DNM1: variants seen among roughly 807,000 people sequenced by gnomAD.
DNM1 encodes the protein dynamin-1.
Under a neutral mutation model 104.6 loss-of-function variants are expected in DNM1, and 29 were observed. The ratio of observed to expected loss-of-function variants is 0.28; its 90% confidence interval spans 0.21 to 0.38. DNM1 has a LOEUF of 0.38. DNM1 is among the 10% of genes least tolerant of loss of function. DNM1 has a pLI of 1.00. For synonymous variants in DNM1, 445 were observed against 475.8 expected, an observed-to-expected ratio of 0.94 and a Z score of 0.84; for missense variants, 640 against 1,189.4, an observed-to-expected ratio of 0.54 and a Z score of 6.79.
intron 10 of DNM1, among the ~76,000 whole-genome samples, chr9:128,233,156 C>T (rs1835802123): frequency 1.3e-5 from 2 of 152,246 alleles, no homozygotes; most frequent in Admixed American, 6.5e-5. Context: ...GGAGCAACTT[C>T]CCCTTCAGCC....
In DNM1 at chr9:128,245,476, T is replaced by C. The variant is rs73672477; in HGVS notation, c.1672-918T>C. On this transcript the variant is annotated intron_variant, in intron 15 of 21. Transcript: ENST00000372923. This position sits in a 1 kb window ranked among gnomAD's most constrained non-coding sequence, Gnocchi z 5.2. ...GCCCCATCCTGGGGTACCTCCTCCC[T>C]AGATCCCTGAACCCCTCCCCTGGGA... Among the ~76,000 whole-genome samples, 1,588 of 151,104 alleles carry C rather than the reference T, an allele frequency of 0.011. 29 individuals are homozygous for C. The highest frequency in any genetic ancestry group is 0.036 in the African/African-American group (1,479 of 41,052).
chr9:128,229,042 C>G (rs1056392963), intron 10 of DNM1, among the ~76,000 whole-genome samples: 1 of 151,568 alleles, frequency 6.6e-6, no homozygotes, highest in Non-Finnish European at 1.5e-5. Flanking sequence ...AAATATTCAC[C>G]AATAGGAAAA....
Position 128,247,279 on chromosome 9 carries a change from C to A in DNM1, c.1782-96C>A. The A allele has an allele frequency of 4.0e-6, 3 of 748,312 alleles. No individual in the cohort carries two copies. Among genetic ancestry groups the A allele is most frequent in the Admixed American group, 2.2e-5 (1 of 45,958 alleles). The allele number at this position is 748,312 out of a possible 1,614,324, so 46.4% of individuals were successfully genotyped here. On this transcript the variant is annotated intron_variant, in intron 16 of 21. Transcript: ENST00000372923. This position sits in a 1 kb window ranked among gnomAD's most constrained non-coding sequence, Gnocchi z 5.1. ...TCACACAGCTGGGAAATGAGCTGGCCTCAGGCATGTTGACCCCAAAGTCTG... is the reference window on the plus strand; with the variant it reads ...TCACACAGCTGGGAAATGAGCTGGCATCAGGCATGTTGACCCCAAAGTCTG...
Position 128,253,235 on chromosome 9 carries a change from C to T in DNM1, c.2535-1419C>T. Reference sequence around the variant, plus strand: ...GCACCTGGGACCTCAGAGCCAGGCTCCCCGCCCCTCCCTTCTGCAGCTGCA... The same window carrying T: ...GCACCTGGGACCTCAGAGCCAGGCTTCCCGCCCCTCCCTTCTGCAGCTGCA... On this transcript the variant is annotated intron_variant, in intron 21 of 21. Transcript: ENST00000372923. The surrounding 1 kb of genome is among the most constrained non-coding windows in gnomAD (Gnocchi z 5.9). The T allele has an allele frequency of 1.8e-6, 2 of 1,117,370 alleles. No individual in the cohort carries two copies. The allele number at this position is 1,117,370 out of a possible 1,614,324, so 69.2% of individuals were successfully genotyped here. A position where few individuals can be genotyped will look rare whatever the true frequency, so the allele number is the denominator to read the frequency against.
chr9:128,224,088 AC>A lies in DNM1; in HGVS notation c.1197-159del, dbSNP rs1835189164. The A allele has an allele frequency of 3.6e-6, 3 of 823,216 alleles. No homozygotes were observed. Among genetic ancestry groups the A allele is most frequent in the Non-Finnish European group, 3.6e-6 (2 of 557,744 alleles). 51.0% of individuals were successfully genotyped at this position (823,216 alleles called of 1,614,324 possible). A position where few individuals can be genotyped will look rare whatever the true frequency, so the allele number is the denominator to read the frequency against. On this transcript the variant is annotated intron_variant, in intron 9 of 21. Coordinates refer to ENST00000372923, the MANE Select transcript of DNM1 (RefSeq NM_004408.4). The surrounding 1 kb of genome is among the most constrained non-coding windows in gnomAD (Gnocchi z 4.3). ...CAACAACAAAAAACCCTTCATTAGA[AC>A]CCCTCCCTCCCATTTTACAACTGGG...
intron 9 of DNM1, chr9:128,223,582 A>T (rs1835149090): frequency 6.6e-6 from 1 of 152,254 alleles, no homozygotes; most frequent in Non-Finnish European, 1.5e-5. Flanking sequence ...CAGAAAAAAG[A>T]TCTCTTTCCT....
chr9:128,250,397 C>CG, intron 20 of DNM1, 41 bp downstream of exon 20: 21 of 1,520,224 alleles, frequency 1.4e-5, no homozygotes, highest in Non-Finnish European at 1.8e-5. Context: ...CCCCCCAGCC[C>CG]GGGGCCCGCG....
In DNM1 at chr9:128,203,578, G is replaced by C; in HGVS notation, c.108G>C (p.Val36=). The part of the protein sequence containing the change: ...NADLDLPQIA[V]VGGQSAGKSS... ...ACCTCGACCTGCCGCAGATCGCTGT[G>C]GTGGGCGGCCAGAGCGCCGGCAAGA... Residue 36 remains valine (V), a synonymous_variant, in exon 1 of 22, where the codon GTG becomes GTC. Transcript: ENST00000372923. This position sits in a 1 kb window ranked among gnomAD's most constrained non-coding sequence, Gnocchi z 5.3. 3 of 1,551,284 alleles carry C rather than the reference G, an allele frequency of 1.9e-6. No individual in the cohort carries two copies. The highest frequency in any genetic ancestry group is 2.6e-6 in the Non-Finnish European group (3 of 1,152,466).
chr9:128,207,855 G>A (rs2131095112), intron 1 of DNM1, among the ~76,000 whole-genome samples: 1 of 152,184 alleles, frequency 6.6e-6, no homozygotes, highest in South Asian at 2.1e-4. Context: ...TGGGCTGGGA[G>A]GTGCACCAGG....
rs1198503127 is a variant in DNM1, at chr9:128,203,794, C to G, written c.161+163C>G. On this transcript the variant is annotated intron_variant, in intron 1 of 21. Transcript: ENST00000372923. The surrounding 1 kb of genome is among the most constrained non-coding windows in gnomAD (Gnocchi z 5.3). The stretch of plus-strand genomic sequence containing the variant: ...GAGCGAGGAGGCCCTCCCCCCACCA[C>G]GAGAGCCCCTCGGGGCAGCAGCGCC... 6.7e-6 allele frequency among the ~76,000 whole-genome samples: 1 copy of G among 149,912 alleles called. No individual in the cohort carries two copies. Among genetic ancestry groups the G allele is most frequent in the Non-Finnish European group, 1.5e-5 (1 of 67,190 alleles).
At chr9:128,230,785 T>C (rs996160466) in intron 10 of DNM1, among the ~76,000 whole-genome samples, 3 of 151,830 alleles carry the variant, frequency 2.0e-5, no homozygotes, top group Non-Finnish European at 4.4e-5. Context: ...TCTAATCTTT[T>C]ACAGTGAGTC....
At chr9:128,233,210 T>A (rs1485763388) in intron 10 of DNM1, among the ~76,000 whole-genome samples, 1 of 152,274 alleles carries the variant, frequency 6.6e-6, no homozygotes, top group East Asian at 1.9e-4. Flanking sequence ...GCTGAGCTCC[T>A]ACCCCAAAGG....
intron 10 of DNM1, chr9:128,225,988 A>C (rs1588382490): frequency 1.3e-6 from 2 of 1,595,166 alleles, no homozygotes; most frequent in Non-Finnish European, 8.6e-7. Flanking sequence ...TCTCCTCCCC[A>C]CCCACGGCTG....
chr9:128,237,555 C>T (rs971769679), intron 11 of DNM1, among the ~76,000 whole-genome samples: 2 of 152,166 alleles, frequency 1.3e-5, no homozygotes, highest in Admixed American at 6.6e-5. Context: ...AGGCGTGAGC[C>T]ACCCCGCCCG....
intron 14 of DNM1, among the ~76,000 whole-genome samples, chr9:128,241,853 G>GTGTT (rs1175194723): frequency 6.6e-6 from 1 of 152,218 alleles, no homozygotes; most frequent in African/African-American, 2.4e-5. Flanking sequence ...CATGTGTAAA[G>GTGTT]TCAGAAACAC....
intron 4 of DNM1, 134 bp downstream of exon 4, chr9:128,219,386 G>T (rs1834804278): frequency 7.3e-6 from 6 of 820,670 alleles, no homozygotes; most frequent in Middle Eastern, 3.4e-4. Context: ...ATCACTTTGG[G>T]GGTCAGGCAT....
intron 1 of DNM1, among the ~76,000 whole-genome samples, chr9:128,205,717 A>C (rs1483335808): frequency 6.6e-6 from 1 of 152,106 alleles, no homozygotes; most frequent in Non-Finnish European, 1.5e-5. Context: ...TTTTGTAAAC[A>C]TGCGGGAGGG....
At chr9:128,211,602 C>T (rs2131114839) in intron 1 of DNM1, among the ~76,000 whole-genome samples, 1 of 151,756 alleles carries the variant, frequency 6.6e-6, no homozygotes, top group Non-Finnish European at 1.5e-5. Context: ...GAACTCCTGG[C>T]CCCAAGCGAT....
intron 1 of DNM1, among the ~76,000 whole-genome samples, chr9:128,217,560 G>A (rs562187697): frequency 1.8e-4 from 27 of 152,246 alleles, no homozygotes; most frequent in African/African-American, 2.6e-4. Context: ...GAGATTACAG[G>A]TGCCTGACAC....
Sources: gnomAD v4.1 joint callset for allele counts (sites outside exome capture counted in the v4.1 genomes callset) on GRCh38, gnomAD v4.1.1 for gene constraint, Gnocchi (gnomAD v3.1) non-coding constraint, MANE v1.5 for transcripts, NCBI Gene and HGNC (gene_info 2026-07-23, HGNC 2026-07-21) for gene names.